Variants in GPR179 observed in about 807,000 individuals in gnomAD.
GPR179 encodes the protein G protein-coupled receptor 179.
In GPR179, 52 loss-of-function variants were observed where a neutral mutation model predicts 70.8. The ratio of observed to expected loss-of-function variants is 0.73; its 90% CI spans 0.59 to 0.93. The LOEUF (loss-of-function observed/expected upper bound fraction) is 0.93. GPR179 is among the 40% of genes least tolerant of loss of function. GPR179 has a pLI of 0.00. For synonymous variants in GPR179, 1,123 were observed against 1,169.0 expected, an observed-to-expected ratio of 0.96 and a Z score of 0.80; for missense variants, 2,734 against 2,966.8, an observed-to-expected ratio of 0.92 and a Z score of 1.82.
Position 38,329,046 on chromosome 17 carries a change from G to A in GPR179, c.4523C>T (p.Ala1508Val). The A allele has an allele frequency of 6.2e-7, 1 of 1,613,676 alleles. No homozygotes were observed. The highest frequency in any genetic ancestry group is 8.5e-7 in the Non-Finnish European group (1 of 1,179,964). ...GRESLQEKEK[A>V]SRKGSFGEMG... ...CTCTCCAAAGCTTCCTTTTCTGGAG[G>A]CTTTTTCCTTTTCTTGAAGAGATTC... The change falls in exon 11 of 11, where the codon GCC becomes GTC. Residue 1508 changes from alanine (A) to valine (V), a missense_variant. By Grantham distance (64) the Ala-to-Val change is moderately conservative (BLOSUM62 0). Transcript: ENST00000616987.
intron 1 of GPR179, among the ~76,000 whole-genome samples, chr17:38,342,708 G>A (rs1020771644): frequency 7.2e-5 from 11 of 152,224 alleles, no homozygotes; most frequent in Non-Finnish European, 1.2e-4. Context: ...ATACCTATTT[G>A]TATATGCACA....
Position 38,327,967 on chromosome 17 carries a change from G to A in GPR179, c.5602C>T (p.Gln1868Ter). The change falls in exon 11 of 11, where the codon CAA (glutamine) becomes TAA (stop). Residue 1868 changes from glutamine to a stop codon, truncating the protein, a stop_gained. Coordinates refer to ENST00000616987, the MANE Select transcript of GPR179 (RefSeq NM_001004334.4). LOFTEE classifies it low-confidence loss of function (END_TRUNC). The part of the protein sequence containing the change: ...DVSKGMAKLC[Q>*]QQETICIWEN... The stretch of plus-strand genomic sequence containing the variant: ...CAAATACAAATAGTTTCCTGTTGTT[G>A]ACACAGTTTTGCCATCCCTTTTGAT... 6.2e-7 allele frequency: 1 copy of A among 1,614,146 alleles called. No individual in the cohort carries two copies.
Position 38,339,417 on chromosome 17 carries a change from C to T in GPR179, c.903G>A (p.Gln301=), listed in dbSNP as rs1450947728. The T allele has an allele frequency of 6.2e-7, 1 of 1,604,346 alleles. No homozygotes were observed. The highest frequency in any genetic ancestry group is 8.5e-7 in the Non-Finnish European group (1 of 1,171,452). ...CGCCCCCCATCCTCCTCATCCTTAC[C>T]TGGGTGCTGTTGAGATCACACAGGT... The part of the protein sequence containing the change: ...NTHLCDLNST[Q]CVPLESQGFV... Residue 301 remains glutamine, a splice_region_variant and synonymous_variant, in exon 2 of 11, where the codon CAG becomes CAA. Coordinates refer to ENST00000616987, the MANE Select transcript of GPR179 (RefSeq NM_001004334.4).
intron 3 of GPR179, 38 bp from the exon 4 acceptor site, chr17:38,337,251 G>C (rs775280415): frequency 9.7e-6 from 15 of 1,551,310 alleles, no homozygotes; most frequent in Non-Finnish European, 1.2e-5. Flanking sequence ...GAGGGGCCCA[G>C]CTAGAGCATC....
At position 38,326,215 on chromosome 17, in the gene GPR179, A is replaced by G; in HGVS notation, c.*250T>C. 2.1e-6 allele frequency: 1 copy of G among 469,746 alleles called. No homozygotes were observed. The highest frequency in any genetic ancestry group is 3.7e-6 in the Non-Finnish European group (1 of 267,804). The allele number at this position is 469,746 out of a possible 1,614,324, so 29.1% of individuals were successfully genotyped here. ...GTGGATGGGAGGCGTCCTTAGAAGTAGAGTGTCCAGTCTTTGTTTCCTCAA... is the reference window on the plus strand; with the variant it reads ...GTGGATGGGAGGCGTCCTTAGAAGTGGAGTGTCCAGTCTTTGTTTCCTCAA... On this transcript the variant is annotated 3_prime_UTR_variant, in exon 11 of 11. Transcript: ENST00000616987.
At position 38,337,705 on chromosome 17, in the gene GPR179, T is replaced by C. The variant is rs2037418240; in HGVS notation, c.919A>G (p.Ser307Gly). ...LNSTQCVPLE[S>G]QGFVLGRYLC... ...TAGCGGCCAAGAACAAAGCCCTGAC[T>C]CTCCAGGGGGACACACTATGGGGAC... Residue 307 changes from serine (S) to glycine (G), a missense_variant, in exon 3 of 11, where the codon AGT (serine) becomes GGT (glycine). Coordinates refer to ENST00000616987, the MANE Select transcript of GPR179 (RefSeq NM_001004334.4). 1 of 1,613,486 alleles carries C rather than the reference T, an allele frequency of 6.2e-7. No individual in the cohort carries two copies. Among genetic ancestry groups the C allele is most frequent in the Non-Finnish European group, 8.5e-7 (1 of 1,179,798 alleles).
Position 38,343,871 on chromosome 17 carries a change from C to T in GPR179, c.-82G>A. On this transcript the variant is annotated 5_prime_UTR_variant, in exon 1 of 11. Transcript: ENST00000616987. The surrounding 1 kb of genome is among the most constrained non-coding windows in gnomAD (Gnocchi z 4.2). The stretch of plus-strand genomic sequence containing the variant: ...CTGGCTGCAGTCTGGGGGCTGTCGG[C>T]CTCCACGCCTCCTATGCTGGCGTTC... 9.2e-7 allele frequency: 1 copy of T among 1,087,760 alleles called. No individual in the cohort carries two copies. The highest frequency in any genetic ancestry group is 1.3e-6 in the Non-Finnish European group (1 of 783,868). 67.4% of individuals were successfully genotyped at this position (1,087,760 alleles called of 1,614,324 possible).
rs1181090888 is a variant in GPR179 at position 38,330,023 on chromosome 17, C to T, written c.3546G>A (p.Arg1182=). 1.2e-6 allele frequency: 2 copies of T among 1,614,260 alleles called. No homozygotes were observed. The highest frequency in any genetic ancestry group is 1.1e-5 in the South Asian group (1 of 91,090). Reference sequence around the variant, plus strand: ...TCCGTTCCCCTAGACCCTGGGTCATCCTCCTGCCTCTGTCTTCTTGTTCCC... The same window carrying T: ...TCCGTTCCCCTAGACCCTGGGTCATTCTCCTGCCTCTGTCTTCTTGTTCCC... The part of the protein sequence containing the change: ...GSREQEDRGR[R]MTQGLGERKA... Residue 1182 remains arginine (R), a synonymous_variant, in exon 11 of 11, where the codon AGG becomes AGA. Coordinates refer to ENST00000616987, the MANE Select transcript of GPR179 (RefSeq NM_001004334.4).
intron 10 of GPR179, 70 bp downstream of exon 10, chr17:38,333,181 G>T: frequency 6.9e-7 from 1 of 1,448,380 alleles, no homozygotes; most frequent in Non-Finnish European, 9.6e-7. Flanking sequence ...CCAGGTGGCA[G>T]GGCCCAGTCC....
rs1186178195 is a variant in GPR179 at position 38,326,344 on chromosome 17, C to A, written c.*121G>T. The A allele has an allele frequency of 4.2e-6, 3 of 711,682 alleles. No individual in the cohort carries two copies. The highest frequency in any genetic ancestry group is 1.9e-5 in the South Asian group (1 of 52,056). 44.1% of individuals were successfully genotyped at this position (711,682 alleles called of 1,614,324 possible). ...TCTTTGGGATGGGTTGACTTCTGGTCTTCTCAAGGAGGGGAAGTGGCCAAG... is the reference window on the plus strand; with the variant it reads ...TCTTTGGGATGGGTTGACTTCTGGTATTCTCAAGGAGGGGAAGTGGCCAAG... On this transcript the variant is annotated 3_prime_UTR_variant, in exon 11 of 11. Transcript: ENST00000616987.
chr17:38,337,659 C>T lies in GPR179; in HGVS notation c.965G>A (p.Gly322Glu), dbSNP rs1453998540. The change falls in exon 3 of 11, where the codon GGA (glycine) becomes GAA (glutamate). Residue 322 changes from glycine to glutamate, a missense_variant. Transcript: ENST00000616987. The stretch of plus-strand genomic sequence containing the variant: ...CCCAGAGGGGCTTGCCCCGTAGAAT[C>T]CAGGTCGGCAGCGGCAGAGGTAGCG... ...LGRYLCRCRP[G>E]FYGASPSGGL... 3 of 1,609,054 alleles carry T rather than the reference C, an allele frequency of 1.9e-6. No homozygotes were observed. The highest frequency in any genetic ancestry group is 2.3e-5 in the East Asian group (1 of 44,318).
At position 38,324,605 on chromosome 17, in the gene GPR179, C is replaced by T. The variant is rs1276673143; in HGVS notation, c.*1860G>A. 4.1e-5 allele frequency among the ~76,000 whole-genome samples: 6 copies of T among 145,448 alleles called. No homozygotes were observed. Among genetic ancestry groups the T allele is most frequent in the Non-Finnish European group, 6.0e-5 (4 of 66,456 alleles). On this transcript the variant is annotated 3_prime_UTR_variant, in exon 11 of 11. Transcript: ENST00000616987. ...AGCATTCTTTATTTCCGCCCCGCCC[C>T]CCCCACCCCATGGTTTATTTCACAA... is the stretch of plus-strand genomic sequence containing the variant.
Position 38,334,623 on chromosome 17 carries a change from G to A in GPR179, c.1784+81C>T. ...CGTAGCAGTGTTGCCAGGATGGCATGGGATGGGGGCACCTCACCTGGGAGA... is the reference window on the plus strand; with the variant it reads ...CGTAGCAGTGTTGCCAGGATGGCATAGGATGGGGGCACCTCACCTGGGAGA... On this transcript the variant is annotated intron_variant, in intron 8 of 10. Coordinates refer to ENST00000616987, the MANE Select transcript of GPR179 (RefSeq NM_001004334.4). This position sits in a 1 kb window ranked among gnomAD's most constrained non-coding sequence, Gnocchi z 4.7. The A allele has an allele frequency of 1.3e-6, 2 of 1,522,062 alleles. No individual in the cohort carries two copies. The highest frequency in any genetic ancestry group is 1.8e-6 in the Non-Finnish European group (2 of 1,106,190). 94.3% of individuals were successfully genotyped at this position (1,522,062 alleles called of 1,614,324 possible).
rs781623664 is a variant in GPR179, at chr17:38,329,527, C to G, written c.4042G>C (p.Glu1348Gln). Residue 1348 changes from glutamate to glutamine, a missense_variant, in exon 11 of 11, where the codon GAG becomes CAG. Transcript: ENST00000616987. ...QDPGRIRDKS[E>Q]AGDSVEARKV... ...CTGGCCTCCACACTGTCCCCCGCCTCAGATTTGTCTCTGATTCTGCCAGGG... is the reference window on the plus strand; with the variant it reads ...CTGGCCTCCACACTGTCCCCCGCCTGAGATTTGTCTCTGATTCTGCCAGGG... 18 of 1,614,108 alleles carry G rather than the reference C, an allele frequency of 1.1e-5. No individual in the cohort carries two copies. The highest frequency in any genetic ancestry group is 1.5e-5 in the Non-Finnish European group (18 of 1,180,026).
At position 38,334,654 on chromosome 17, in the gene GPR179, G is replaced by A. The variant is rs1172959542; in HGVS notation, c.1784+50C>T. 5 of 1,598,856 alleles carry A rather than the reference G, an allele frequency of 3.1e-6. No homozygotes were observed. The highest frequency in any genetic ancestry group is 2.7e-5 in the African/African-American group (2 of 74,708). On this transcript the variant is annotated intron_variant, in intron 8 of 10. Coordinates refer to ENST00000616987, the MANE Select transcript of GPR179 (RefSeq NM_001004334.4). This position sits in a 1 kb window ranked among gnomAD's most constrained non-coding sequence, Gnocchi z 4.7. ...GGGGCACCTCACCTGGGAGAGGTGA[G>A]GAGTACTGTTAGAGTGGAAGGGGGT... is the stretch of plus-strand genomic sequence containing the variant.
In GPR179 at chr17:38,327,859, C is replaced by T; in HGVS notation, c.5710G>A (p.Glu1904Lys). The T allele has an allele frequency of 1.2e-6, 2 of 1,614,230 alleles. No homozygotes were observed. The highest frequency in any genetic ancestry group is 2.7e-5 in the African/African-American group (2 of 75,058). The change falls in exon 11 of 11, where the codon GAG becomes AAG. Residue 1904 changes from glutamate to lysine, a missense_variant. By Grantham distance (56) the Glu-to-Lys change is moderately conservative. Coordinates refer to ENST00000616987, the MANE Select transcript of GPR179 (RefSeq NM_001004334.4). ...TCTGTTGCTTCCAAGGAATGTCCCT[C>T]TGCCACTTCACTACTCATGCTGCTG... ...LPSSMSSEVA[E>K]GHSLEATEKG...
Position 38,333,917 on chromosome 17 carries a change from G to A in GPR179, c.1890+16C>T. The A allele has an allele frequency of 6.4e-7, 1 of 1,574,670 alleles. No individual in the cohort carries two copies. ...GGGCTGGGGTCCACCTCACAGGCAG[G>A]AGGGGAGGGCCTCACCTTAGGGATG... is the stretch of plus-strand genomic sequence containing the variant. On this transcript the variant is annotated intron_variant, in intron 9 of 10. Coordinates refer to ENST00000616987, the MANE Select transcript of GPR179 (RefSeq NM_001004334.4).
Position 38,325,525 on chromosome 17 carries a change from C to G in GPR179, c.*940G>C, listed in dbSNP as rs2037277663. On this transcript the variant is annotated 3_prime_UTR_variant, in exon 11 of 11. Coordinates refer to ENST00000616987, the MANE Select transcript of GPR179 (RefSeq NM_001004334.4). ...AGAGATTCCCCTTGACTCCAGTTGC[C>G]TTGACAAAAGAGAGAGGTCCTGTTG... The G allele has an allele frequency of 3.3e-5, 5 of 152,168 alleles. No individual in the cohort carries two copies. The South Asian group carries it at 1.0e-3, about 32-fold the overall frequency. 9.4% of individuals were successfully genotyped at this position (152,168 alleles called of 1,614,324 possible). A position where few individuals can be genotyped will look rare whatever the true frequency, so the allele number is the denominator to read the frequency against.
Position 38,331,475 on chromosome 17 carries a change from G to A in GPR179, c.2094C>T (p.Ala698=), listed in dbSNP as rs1416156117. ...QLEVHKTKEM[A]ANNPHLPKKR... is the part of the protein sequence containing the mutation. ...TCTTGGGCAGGTGGGGGTTGTTTGC[G>A]GCCATTTCCTTGGTTTTGTGGACCT... Residue 698 remains alanine, a synonymous_variant, in exon 11 of 11, where the codon GCC becomes GCT. Coordinates refer to ENST00000616987, the MANE Select transcript of GPR179 (RefSeq NM_001004334.4). The A allele has an allele frequency of 1.9e-6, 3 of 1,613,924 alleles. No individual in the cohort carries two copies. Among genetic ancestry groups the A allele is most frequent in the African/African-American group, 1.3e-5 (1 of 75,044 alleles).
Sources: allele counts gnomAD v4.1 joint callset (sites outside exome capture counted in the v4.1 genomes callset), GRCh38; gene constraint gnomAD v4.1.1; non-coding constraint Gnocchi (gnomAD v3.1); transcripts MANE v1.5; gene names NCBI Gene and HGNC (gene_info 2026-07-23, HGNC 2026-07-21).